Variants in CEP20 observed in about 807,000 individuals in gnomAD.
CEP20 encodes the protein centrosomal protein 20.
Under a neutral mutation model 20.0 loss-of-function variants are expected in CEP20, and 18 were observed. That is an observed-to-expected ratio of 0.90 (90% CI 0.62 to 1.34). The LOEUF is 1.34. Among genes scored for constraint, CEP20 ranks in the 40% most tolerant of loss-of-function variants. CEP20 has a pLI of 0.00. For missense variants in CEP20, 215 were observed against 201.6 expected, an observed-to-expected ratio of 1.07 and a Z score of -0.40; for synonymous variants, 77 against 73.7, an observed-to-expected ratio of 1.04 and a Z score of -0.23.
intron 4 of CEP20, among the ~76,000 whole-genome samples, chr16:15,869,369 G>A (rs537888657): frequency 6.7e-6 from 1 of 149,034 alleles, no homozygotes; most frequent in Admixed American, 6.7e-5. Context: ...GGAGTGTAGT[G>A]GCGCAATCTC....
chr16:15,888,122 T>C (rs1358134241), intron 1 of CEP20, among the ~76,000 whole-genome samples: 1 of 149,746 alleles, frequency 6.7e-6, no homozygotes, highest in Non-Finnish European at 1.5e-5. Flanking sequence ...CTTAACAGGT[T>C]GTTGTAAGGA....
chr16:15,888,211 T>C (rs1167147002), intron 1 of CEP20, among the ~76,000 whole-genome samples: 1 of 151,742 alleles, frequency 6.6e-6, no homozygotes, highest in Non-Finnish European at 1.5e-5. Context: ...TCATCAGCCC[T>C]GAGTGCCAAG....
At chr16:15,883,918 G>C in intron 2 of CEP20, 90 bp downstream of exon 2, 2 of 1,151,228 alleles carry the variant, frequency 1.7e-6, no homozygotes, top group Non-Finnish European at 2.5e-6. Context: ...GCACTATCTG[G>C]TAAGGGAATT....
chr16:15,884,353 A>C (rs2045189184), intron 1 of CEP20, 148 bp from the exon 2 acceptor site: 1 of 653,468 alleles, frequency 1.5e-6, no homozygotes, highest in Non-Finnish European at 2.6e-6. Flanking sequence ...ATTATTAAAC[A>C]ATTACACTAC....
chr16:15,868,776 A>C (rs533855250), intron 4 of CEP20, among the ~76,000 whole-genome samples: 43 of 152,314 alleles, frequency 2.8e-4, no homozygotes, highest in African/African-American at 9.9e-4. Context: ...AAAAATTAAC[A>C]ATTTCCTCAG....
intron 1 of CEP20, among the ~76,000 whole-genome samples, chr16:15,888,175 C>T (rs183494983): frequency 6.6e-5 from 10 of 151,742 alleles, no homozygotes; most frequent in Non-Finnish European, 1.5e-4. Context: ...CAGTGCCTAA[C>T]CCAATAGGGG....
At chr16:15,881,731 AAAG>A (rs1415193734) in intron 2 of CEP20, among the ~76,000 whole-genome samples, 1 of 151,766 alleles carries the variant, frequency 6.6e-6, no homozygotes, top group Non-Finnish European at 1.5e-5. Context: ...CACTTTTTTG[AAAG>A]AAGACATTTA....
chr16:15,881,638 C>T (rs1359512222), intron 2 of CEP20, among the ~76,000 whole-genome samples: 1 of 152,000 alleles, frequency 6.6e-6, no homozygotes, highest in African/African-American at 2.4e-5. Context: ...GTGCCTCAGA[C>T]CAACCCCCAG....
intron 1 of CEP20, among the ~76,000 whole-genome samples, 182 bp downstream of exon 1, chr16:15,888,376 C>T (rs1461025963): frequency 6.6e-6 from 1 of 152,216 alleles, no homozygotes; most frequent in East Asian, 1.9e-4. Flanking sequence ...ACCTCTTCCC[C>T]ATAAGAGCTC....
chr16:15,877,767 G>T (rs1384096008), intron 3 of CEP20, among the ~76,000 whole-genome samples: 1 of 151,986 alleles, frequency 6.6e-6, no homozygotes, highest in Non-Finnish European at 1.5e-5. Flanking sequence ...GCAACAGAGT[G>T]AAACCCTGCC....
rs1367089570 is a variant in CEP20, at chr16:15,872,887, G to T, written c.448+604C>A. On this transcript the variant is annotated intron_variant, in intron 4 of 4. Coordinates refer to ENST00000255759, the MANE Select transcript of CEP20 (RefSeq NM_144600.4). Reference sequence around the variant, plus strand: ...CTGTAACTTGTAGGTAACTTCCACTGTAACATAAACAGTATCCTAAAAATG... The same window carrying T: ...CTGTAACTTGTAGGTAACTTCCACTTTAACATAAACAGTATCCTAAAAATG... 2.6e-5 allele frequency among the ~76,000 whole-genome samples: 4 copies of T among 151,966 alleles called. No homozygotes were observed. In the East Asian group the frequency reaches 7.7e-4, roughly 29 times the overall value.
At chr16:15,888,135 C>T (rs910665482) in intron 1 of CEP20, among the ~76,000 whole-genome samples, 4 of 151,098 alleles carry the variant, frequency 2.6e-5, no homozygotes, top group Admixed American at 2.0e-4. Flanking sequence ...TGTAAGGACC[C>T]AACGAGACAA....
chr16:15,886,518 G>A (rs2045251760), intron 1 of CEP20, among the ~76,000 whole-genome samples: 1 of 152,168 alleles, frequency 6.6e-6, no homozygotes, highest in African/African-American at 2.4e-5. Flanking sequence ...CAATTACTCT[G>A]TATTGCACAC....
chr16:15,874,952 C>T (rs1422403292), intron 3 of CEP20, among the ~76,000 whole-genome samples: 3 of 152,150 alleles, frequency 2.0e-5, no homozygotes, highest in Non-Finnish European at 4.4e-5. Context: ...TTGAGGCCGC[C>T]TGTCAATATC....
chr16:15,887,702 G>A (rs1360318315), intron 1 of CEP20, among the ~76,000 whole-genome samples: 3 of 152,100 alleles, frequency 2.0e-5, no homozygotes, highest in Non-Finnish European at 4.4e-5. Context: ...AGTAAACAGC[G>A]TACAAATGTC....
intron 2 of CEP20, among the ~76,000 whole-genome samples, chr16:15,882,383 C>CA (rs138070374): frequency 0.069 from 10,512 of 152,070 alleles, 484 homozygotes; most frequent in East Asian, 0.22. Context: ...ACTAAAAATA[C>CA]AAAAAATTAG....
Position 15,873,641 on chromosome 16 carries a change from A to C in CEP20, c.312-14T>G. The C allele has an allele frequency of 6.3e-6, 10 of 1,594,070 alleles. No homozygotes were observed. The highest frequency in any genetic ancestry group is 8.5e-6 in the Non-Finnish European group (10 of 1,169,890). ...TATAAAAGAGGTCTATAGCAGGAAG[A>C]AAACAAAACAAAACCAAAAGCTAAT... On this transcript the variant is annotated splice_polypyrimidine_tract_variant and intron_variant, in intron 3 of 4. Transcript: ENST00000255759.
At chr16:15,875,603 T>C (rs1277501150) in intron 3 of CEP20, among the ~76,000 whole-genome samples, 1 of 152,098 alleles carries the variant, frequency 6.6e-6, no homozygotes, top group Non-Finnish European at 1.5e-5. Context: ...TGCAAATTCA[T>C]GGATTAAGGT....
At chr16:15,878,875 C>G (rs942715161) in intron 3 of CEP20, among the ~76,000 whole-genome samples, 3 of 152,080 alleles carry the variant, frequency 2.0e-5, no homozygotes, top group Non-Finnish European at 4.4e-5. Context: ...TTCAGCCTTC[C>G]AAAGTGCTGG....
Sources: gnomAD v4.1 joint callset for allele counts (sites outside exome capture counted in the v4.1 genomes callset) on GRCh38, gnomAD v4.1.1 for gene constraint, MANE v1.5 for transcripts, NCBI Gene and HGNC (gene_info 2026-07-23, HGNC 2026-07-21) for gene names.